The following DYNC2H1 variants were observed in gnomAD, a reference collection of about 807,000 sequenced individuals.
The protein encoded by DYNC2H1 is dynein cytoplasmic 2 heavy chain 1.
In DYNC2H1, 410 loss-of-function variants were observed where a neutral mutation model predicts 570.0. The observed-to-expected ratio is 0.72, with a 90% confidence interval of 0.66 to 0.78. The LOEUF (loss-of-function observed/expected upper bound fraction) is 0.78. Ranked by LOEUF, DYNC2H1 falls within the 30% of genes least tolerant of loss-of-function variation. The probability of loss-of-function intolerance (pLI) is 0.00; values close to 1 mark genes in which losing one functional copy is unlikely to be tolerated. For missense variants in DYNC2H1, 4,865 were observed against 5,046.4 expected (o/e 0.96, Z 1.09); for synonymous variants, 1,688 against 1,677.6 (o/e 1.01, Z -0.15).
chr11:103,255,618 G>A lies in DYNC2H1; in HGVS notation c.10326+84G>A. 5 of 1,370,352 alleles carry A rather than the reference G, an allele frequency of 3.6e-6. No homozygotes were observed. The South Asian group carries it at 7.6e-5, about 21-fold the overall frequency. The allele number at this position is 1,370,352 out of a possible 1,614,324, so 84.9% of individuals were successfully genotyped here. On this transcript the variant is annotated intron_variant, in intron 67 of 88. Coordinates refer to ENST00000375735, the MANE Select transcript of DYNC2H1 (RefSeq NM_001377.3). ...AATAACAGTGTTTGGAAAATTAATA[G>A]TATCTTCAGATTTTTTTTTCCAAAG...
At chr11:103,229,926 A>G (rs984834858) in intron 59 of DYNC2H1, among the ~76,000 whole-genome samples, 7 of 152,216 alleles carry the variant, frequency 4.6e-5, no homozygotes, top group African/African-American at 1.7e-4. Context: ...ATTCTATTGC[A>G]GTAATTCTCA....
Position 103,120,520 on chromosome 11 carries a change from T to C in DYNC2H1, c.1073T>C (p.Leu358Pro). The change falls in exon 7 of 89, where the codon CTC becomes CCC. Residue 358 changes from leucine (L) to proline (P), a missense_variant. By Grantham distance (98) the Leu-to-Pro change is moderately conservative. This residue lies in a region of DYNC2H1 where 1,936 missense variants were observed against 1,962.1 expected (regional missense o/e 0.99). Transcript: ENST00000375735. Reference protein sequence around the residue: ...LPASEEKIICLTRVFEPFTGL... With the variant: ...LPASEEKIICPTRVFEPFTGL... ...GCCAGTGAAGAGAAAATCATATGCC[T>C]CACTCGAGTATTTGAACCTTTTACT... 3 of 1,613,226 alleles carry C rather than the reference T, an allele frequency of 1.9e-6. No individual in the cohort carries two copies. The highest frequency in any genetic ancestry group is 2.5e-6 in the Non-Finnish European group (3 of 1,179,486).
Position 103,241,575 on chromosome 11 carries a change from A to G in DYNC2H1, c.9820-2118A>G. 1 of 1,546,958 alleles carries G rather than the reference A, an allele frequency of 6.5e-7. No homozygotes were observed. Among genetic ancestry groups the G allele is most frequent in the Non-Finnish European group, 8.8e-7 (1 of 1,130,514 alleles). ...AAGAACTTTTTAAAAATTTAAAATA[A>G]TTACTTTTGTAGTTAGGCAAAATGC... On this transcript the variant is annotated intron_variant, in intron 63 of 88. Coordinates refer to ENST00000375735, the MANE Select transcript of DYNC2H1 (RefSeq NM_001377.3). The surrounding 1 kb of genome is among the most constrained non-coding windows in gnomAD (Gnocchi z 5.1).
chr11:103,195,153 G>A (rs1862469969), intron 47 of DYNC2H1, among the ~76,000 whole-genome samples: 1 of 152,186 alleles, frequency 6.6e-6, no homozygotes, highest in Non-Finnish European at 1.5e-5. Flanking sequence ...GTCTTTCACA[G>A]ATAAAAAGTT....
rs749200224 is a variant in DYNC2H1, at chr11:103,135,510, G to A, written c.2221G>A (p.Asp741Asn). Residue 741 changes from aspartate to asparagine, a missense_variant, in exon 16 of 89, where the codon GAC becomes AAC. Transcript: ENST00000375735. ...AACATATTAGGGATTCCAAGCAAGT[G>A]ACATGCATGCATGGAAACAACACTG... is the stretch of plus-strand genomic sequence containing the variant. ...TVEAQGFQAS[D>N]MHAWKQHWNH... The A allele has an allele frequency of 1.9e-6, 3 of 1,565,058 alleles. No individual in the cohort carries two copies. The African/African-American group carries it at 4.1e-5, about 21-fold the overall frequency.
intron 57 of DYNC2H1, 43 bp from the exon 58 acceptor site, chr11:103,221,987 A>G: frequency 6.3e-7 from 1 of 1,586,016 alleles, no homozygotes; most frequent in African/African-American, 1.4e-5. Context: ...AGAAACAGCA[A>G]ATTTTATTTA....
chr11:103,419,975 A>C (rs1337196746), intron 84 of DYNC2H1, among the ~76,000 whole-genome samples: 3 of 152,148 alleles, frequency 2.0e-5, no homozygotes, highest in Admixed American at 2.0e-4. Flanking sequence ...ACAACACGAG[A>C]ACTTCACAAT....
chr11:103,394,789 C>T (rs1942323184), intron 83 of DYNC2H1, among the ~76,000 whole-genome samples: 1 of 152,070 alleles, frequency 6.6e-6, no homozygotes, highest in African/African-American at 2.4e-5. Context: ...GGGATCCAAT[C>T]CCCTGAGGTA....
intron 83 of DYNC2H1, among the ~76,000 whole-genome samples, chr11:103,366,331 TA>T (rs760502558): frequency 1.3e-5 from 2 of 152,078 alleles, no homozygotes; most frequent in Non-Finnish European, 2.9e-5. Context: ...GAGTCAAAGT[TA>T]AAGTCTTTGT....
At chr11:103,283,141 C>A in intron 73 of DYNC2H1, 56 bp downstream of exon 73, 1 of 1,372,660 alleles carries the variant, frequency 7.3e-7, no homozygotes, top group Non-Finnish European at 1.0e-6. Context: ...TGCATTGTTT[C>A]TGTTGATACT....
At chr11:103,447,371 A>T (rs904105116) in intron 85 of DYNC2H1, among the ~76,000 whole-genome samples, 1 of 130,104 alleles carries the variant, frequency 7.7e-6, no homozygotes, top group African/African-American at 3.2e-5. Flanking sequence ...AATAAAGTTA[A>T]ACAAGGTAAA....
At chr11:103,253,194 A>G (rs1451238925) in intron 65 of DYNC2H1, 91 bp from the exon 66 acceptor site, 3 of 1,325,540 alleles carry the variant, frequency 2.3e-6, no homozygotes, top group Non-Finnish European at 3.0e-6. Flanking sequence ...AAAAGCCTAT[A>G]TTTAGAAGTA....
chr11:103,128,670 C>T (rs886405577), intron 12 of DYNC2H1, among the ~76,000 whole-genome samples: 9 of 152,128 alleles, frequency 5.9e-5, no homozygotes, highest in African/African-American at 1.9e-4. Flanking sequence ...TTCCGGACAA[C>T]GTTTTCTAGT....
At chr11:103,257,896 TAAAG>T (rs1262636314) in intron 69 of DYNC2H1, 145 bp downstream of exon 69, 6 of 859,828 alleles carry the variant, frequency 7.0e-6, no homozygotes, top group Non-Finnish European at 9.3e-6. Context: ...TTAAGCTATA[TAAAG>T]AAACTACTTA....
chr11:103,336,095 G>C (rs1159211224), intron 82 of DYNC2H1, among the ~76,000 whole-genome samples: 2 of 152,072 alleles, frequency 1.3e-5, no homozygotes, highest in African/African-American at 2.4e-5. Context: ...TATGGGGAAA[G>C]AAAAAAGATC....
At chr11:103,164,523 A>G (rs1861220154) in intron 30 of DYNC2H1, among the ~76,000 whole-genome samples, 1 of 152,194 alleles carries the variant, frequency 6.6e-6, no homozygotes, top group Admixed American at 6.6e-5. Flanking sequence ...TAGAGAGGGT[A>G]CTTTTTTGGT....
intron 82 of DYNC2H1, among the ~76,000 whole-genome samples, chr11:103,331,782 C>T (rs1008190609): frequency 1.3e-5 from 2 of 152,096 alleles, no homozygotes; most frequent in African/African-American, 4.8e-5. Flanking sequence ...TCTGATGAGG[C>T]CAGGCGCAGT....
chr11:103,224,721 GTGTCTTTTC>G (rs1863737460), intron 59 of DYNC2H1, among the ~76,000 whole-genome samples: 1 of 152,188 alleles, frequency 6.6e-6, no homozygotes, highest in South Asian at 2.1e-4. Context: ...GCGTGTGCAA[GTGTCTTTTC>G]CATATAATGC....
intron 53 of DYNC2H1, among the ~76,000 whole-genome samples, chr11:103,210,233 C>T (rs1375298453): frequency 1.3e-5 from 2 of 151,836 alleles, no homozygotes; most frequent in African/African-American, 4.8e-5. Context: ...TTTGAAGGAC[C>T]TACTTAAATT....
Sources: allele counts gnomAD v4.1 joint callset (sites outside exome capture counted in the v4.1 genomes callset), GRCh38; gene constraint gnomAD v4.1.1; regional missense constraint gnomAD v4.1.1; non-coding constraint Gnocchi (gnomAD v3.1); transcripts MANE v1.5; gene names NCBI Gene and HGNC (gene_info 2026-07-23, HGNC 2026-07-21).